Variants in ROBO2 observed in about 807,000 individuals in gnomAD.
ROBO2 encodes the protein roundabout guidance receptor 2.
ROBO2 carries 53 observed loss-of-function variants against 160.8 expected under a neutral mutation model. The ratio of observed to expected loss-of-function variants is 0.33; its 90% CI spans 0.26 to 0.41. The LOEUF (loss-of-function observed/expected upper bound fraction) is 0.41, where lower values mean the gene tolerates loss of function less well. ROBO2 is among the 10% of genes least tolerant of loss of function. ROBO2 has a pLI of 1.00. For missense variants in ROBO2, 1,577 were observed against 1,722.4 expected (o/e 0.92, Z 1.49); for synonymous variants, 664 against 611.7 (o/e 1.09, Z -1.26).
At chr3:77,636,459 G>T (rs985821547) in intron 24 of ROBO2, among the ~76,000 whole-genome samples, 23 of 152,222 alleles carry the variant, frequency 1.5e-4, no homozygotes, top group Middle Eastern at 6.8e-3. Context: ...GGGCGTGGTT[G>T]CACGTGCCTG....
At chr3:77,541,319 C>T (rs544553170) in intron 6 of ROBO2, among the ~76,000 whole-genome samples, 23 of 152,280 alleles carry the variant, frequency 1.5e-4, no homozygotes, top group East Asian at 1.2e-3. Flanking sequence ...AACTCATGCA[C>T]GGCCTGTGCT....
At chr3:77,584,034 C>T (rs2093981587) in intron 16 of ROBO2, among the ~76,000 whole-genome samples, 1 of 152,124 alleles carries the variant, frequency 6.6e-6, no homozygotes, top group South Asian at 2.1e-4. Context: ...TAAACCTGTG[C>T]TTTCACCAGA....
At chr3:76,445,481 T>A (rs971359688) in intron 2 of ROBO2, among the ~76,000 whole-genome samples, 3 of 152,192 alleles carry the variant, frequency 2.0e-5, no homozygotes, top group Non-Finnish European at 4.4e-5. Context: ...CTGGTACCAT[T>A]CCTTCTGAAA....
At chr3:76,504,684 C>T (rs561073688) in intron 2 of ROBO2, among the ~76,000 whole-genome samples, 17 of 151,846 alleles carry the variant, frequency 1.1e-4, no homozygotes, top group Admixed American at 2.0e-4. Flanking sequence ...ACTGCCACCA[C>T]GCCCAGCTAA....
chr3:76,745,927 C>T (rs1173931766), intron 2 of ROBO2, among the ~76,000 whole-genome samples: 1 of 149,850 alleles, frequency 6.7e-6, no homozygotes, highest in Non-Finnish European at 1.5e-5. Flanking sequence ...TGGTGTGCTG[C>T]ACCCATTAAC....
At chr3:77,443,515 T>C (rs569479701) in intron 2 of ROBO2, among the ~76,000 whole-genome samples, 73 of 152,306 alleles carry the variant, frequency 4.8e-4, no homozygotes, top group African/African-American at 1.8e-3. Flanking sequence ...TGAAACAGTA[T>C]GTCAAAATAA....
In ROBO2 at chr3:77,163,567, C is replaced by T. The variant is rs907090080; in HGVS notation, c.388+65227C>T. Among the ~76,000 whole-genome samples the T allele has an allele frequency of 7.9e-5, 12 of 152,322 alleles. No homozygotes were observed. In the East Asian group the frequency reaches 2.1e-3, roughly 27 times the overall value. On this transcript the variant is annotated intron_variant, in intron 2 of 25. Coordinates refer to ENST00000461745, the Ensembl canonical transcript of ROBO2. ...ATTGCTGGCATCAATTTAGAGTCCT[C>T]CTGCTCTTTTCTTTCATAATGTTCC...
At position 76,962,638 on chromosome 3, in the gene ROBO2, C is replaced by CAAAAAAAAAAAAAAAAAAA. The variant is rs1318082985; in HGVS notation, c.110-135375_110-135374insAAAAAAAAAAAAAAAAAAA. ...GGGCAACAAGAGTGAAACTCGATCT[C>CAAAAAAAAAAAAAAAAAAA]AGAAAAAAAAAAAAAAAAAAAAGCT... On this transcript the variant is annotated intron_variant, in intron 2 of 26. Transcript: ENST00000487694. Among the ~76,000 whole-genome samples the CAAAAAAAAAAAAAAAAAAA allele has an allele frequency of 4.0e-5, 2 of 50,288 alleles. 1 individual carries two copies. Among genetic ancestry groups the CAAAAAAAAAAAAAAAAAAA allele is most frequent in the Non-Finnish European group, 6.6e-5 (2 of 30,308 alleles). 33.0% of individuals were successfully genotyped at this position (50,288 alleles called of 152,430 possible). A position where few individuals can be genotyped will look rare whatever the true frequency, so the allele number is the denominator to read the frequency against.
intron 2 of ROBO2, among the ~76,000 whole-genome samples, chr3:76,930,951 GC>G (rs2077299528): frequency 6.6e-6 from 1 of 152,136 alleles, no homozygotes; most frequent in Non-Finnish European, 1.5e-5. Flanking sequence ...GCATCCCTTA[GC>G]CCAGTCAAGC....
intron 2 of ROBO2, among the ~76,000 whole-genome samples, chr3:76,151,949 A>G (rs936162952): frequency 2.0e-5 from 3 of 152,206 alleles, no homozygotes; most frequent in Non-Finnish European, 4.4e-5. Flanking sequence ...ACATTATCAA[A>G]CGTCTCACTA....
At chr3:77,522,283 T>C (rs890388420) in intron 5 of ROBO2, among the ~76,000 whole-genome samples, 1 of 151,248 alleles carries the variant, frequency 6.6e-6, no homozygotes, top group Non-Finnish European at 1.5e-5. Context: ...TTACATACCC[T>C]TAATTCTTTT....
chr3:76,756,513 C>A (rs1475083144), intron 2 of ROBO2, among the ~76,000 whole-genome samples: 1 of 151,624 alleles, frequency 6.6e-6, no homozygotes, highest in Non-Finnish European at 1.5e-5. Flanking sequence ...TACAGTTTAC[C>A]TTTCAATAGT....
At chr3:76,192,090 G>A (rs1015139076) in intron 2 of ROBO2, among the ~76,000 whole-genome samples, 1 of 151,666 alleles carries the variant, frequency 6.6e-6, no homozygotes, top group Admixed American at 6.6e-5. Context: ...CCTAGTTAGT[G>A]CCCTTAGTTA....
chr3:77,191,378 C>A (rs188574797), intron 2 of ROBO2, among the ~76,000 whole-genome samples: 4 of 151,956 alleles, frequency 2.6e-5, no homozygotes, highest in Admixed American at 2.0e-4. Context: ...CTCAGGGACT[C>A]GGTGATAGGC....
chr3:76,889,284 A>G (rs1317762808), intron 2 of ROBO2, among the ~76,000 whole-genome samples: 1 of 152,212 alleles, frequency 6.6e-6, no homozygotes, highest in Non-Finnish European at 1.5e-5. Flanking sequence ...CTCATAAAAA[A>G]GAGATTCAAA....
intron 2 of ROBO2, among the ~76,000 whole-genome samples, chr3:76,436,689 A>AG (rs1012096447): frequency 2.0e-5 from 3 of 152,184 alleles, no homozygotes; most frequent in Non-Finnish European, 4.4e-5. Context: ...AAAAGAAAAA[A>AG]GAAAAAAAGA....
exon 1 of ROBO2, chr3:77,040,148 C>G: frequency 1.0e-6 from 1 of 985,240 alleles, no homozygotes; most frequent in African/African-American, 1.7e-5. Flanking sequence ...CCCTTCTCCT[C>G]TCTTTTGGAA....
intron 2 of ROBO2, among the ~76,000 whole-genome samples, chr3:75,969,959 A>T (rs1262260466): frequency 6.6e-6 from 1 of 151,604 alleles, no homozygotes. Flanking sequence ...ACCATTGTCA[A>T]GGCCAATATC....
intron 2 of ROBO2, among the ~76,000 whole-genome samples, chr3:76,250,991 A>C (rs1019962604): frequency 5.3e-5 from 8 of 152,058 alleles, no homozygotes; most frequent in Non-Finnish European, 1.0e-4. Context: ...TAAGATACTT[A>C]TGCTTATAAC....
Sources: gnomAD v4.1 joint callset for allele counts (sites outside exome capture counted in the v4.1 genomes callset) on GRCh38, gnomAD v4.1.1 for gene constraint, MANE v1.5 for transcripts, NCBI Gene and HGNC (gene_info 2026-07-23, HGNC 2026-07-21) for gene names.